Variants in GCKR observed in about 807,000 individuals in gnomAD.
GCKR encodes the protein glucokinase regulatory protein.
A neutral mutation model predicts 82.9 loss-of-function variants in GCKR; 73 were observed. The ratio of observed to expected loss-of-function variants is 0.88; its 90% confidence interval spans 0.73 to 1.07. The LOEUF is 1.07. Among genes scored for constraint, GCKR ranks in the 50% least tolerant of loss-of-function variants. The probability of loss-of-function intolerance (pLI) is 0.00; values close to 1 mark genes in which losing one functional copy is unlikely to be tolerated. For synonymous variants in GCKR, 294 were observed against 291.8 expected (o/e 1.01, Z -0.08); for missense variants, 784 against 782.1 (o/e 1.00, Z -0.03).
chr2:27,511,327 C>T (rs1669876941), intron 16 of GCKR, among the ~76,000 whole-genome samples: 1 of 152,022 alleles, frequency 6.6e-6, no homozygotes, highest in African/African-American at 2.4e-5. Flanking sequence ...TGCACTCAGC[C>T]TGGTTTTATC....
intron 10 of GCKR, 121 bp from the exon 11 acceptor site, chr2:27,506,360 C>A: frequency 2.6e-6 from 2 of 758,488 alleles, no homozygotes; most frequent in South Asian, 1.4e-5. Context: ...CTGCACCTCT[C>A]CAGGGACCAG....
Position 27,506,526 on chromosome 2 carries a change from G to A in GCKR, c.915G>A (p.Val305=). The change falls in exon 11 of 19, where the codon GTG becomes GTA. Residue 305 remains valine (V), a synonymous_variant. Transcript: ENST00000264717. ...ILRTFERAHQ[V]TYSQSPKIAT... is the part of the protein sequence containing the mutation. ...GGACATTTGAGCGAGCTCATCAGGT[G>A]ACCTACAGCCAAAGCCCCAAGATTG... 1 of 1,614,040 alleles carries A rather than the reference G, an allele frequency of 6.2e-7. No homozygotes were observed. The highest frequency in any genetic ancestry group is 8.5e-7 in the Non-Finnish European group (1 of 1,179,918).
intron 7 of GCKR, 103 bp from the exon 8 acceptor site, chr2:27,501,032 G>A: frequency 1.2e-6 from 1 of 866,242 alleles, no homozygotes; most frequent in Non-Finnish European, 2.0e-6. Flanking sequence ...CTGGGAATCT[G>A]CATTTTGAAC....
intron 5 of GCKR, 43 bp downstream of exon 5, chr2:27,498,840 G>C: frequency 9.0e-7 from 1 of 1,116,080 alleles, no homozygotes; most frequent in South Asian, 1.2e-5. Context: ...GACCTAAATA[G>C]TATTTCTTAG....
At chr2:27,502,577 AC>A (rs1452328141) in intron 8 of GCKR, among the ~76,000 whole-genome samples, 1 of 152,208 alleles carries the variant, frequency 6.6e-6, no homozygotes, top group East Asian at 1.9e-4. Flanking sequence ...GTTAAACCAT[AC>A]GATATGAACC....
intron 13 of GCKR, 117 bp from the exon 14 acceptor site, chr2:27,507,564 C>A: frequency 1.4e-6 from 1 of 739,884 alleles, no homozygotes; most frequent in Non-Finnish European, 2.5e-6. Flanking sequence ...TTTTGAACTT[C>A]AGCTCTTTCA....
intron 16 of GCKR, among the ~76,000 whole-genome samples, chr2:27,510,688 T>C (rs1050033407): frequency 6.6e-6 from 1 of 152,208 alleles, no homozygotes; most frequent in Non-Finnish European, 1.5e-5. Flanking sequence ...TTAGTGTTAT[T>C]TTAATTTATA....
intron 16 of GCKR, among the ~76,000 whole-genome samples, chr2:27,515,684 T>A (rs1669984286): frequency 6.6e-6 from 1 of 151,402 alleles, no homozygotes; most frequent in Non-Finnish European, 1.5e-5. Context: ...AGTTTATTCT[T>A]GTGTATGGGG....
chr2:27,496,876 G>C lies in GCKR; in HGVS notation c.-29G>C. ...GGGGTTTGTGTGGCTGAAGAGGCAG[G>C]AGGAACAGTGTATCCACAGCGTGGG... On this transcript the variant is annotated 5_prime_UTR_variant, in exon 1 of 19. Transcript: ENST00000264717. 2 of 1,597,240 alleles carry C rather than the reference G, an allele frequency of 1.3e-6. No homozygotes were observed. Among genetic ancestry groups the C allele is most frequent in the Non-Finnish European group, 8.6e-7 (1 of 1,164,722 alleles).
chr2:27,522,335 AC>A (rs1363222678), intron 17 of GCKR, 124 bp from the exon 18 acceptor site: 57 of 920,406 alleles, frequency 6.2e-5, no homozygotes, highest in African/African-American at 1.6e-5. Flanking sequence ...CAAATCATCT[AC>A]AGCCTCTATA....
chr2:27,507,973 C>T lies in GCKR; in HGVS notation c.1241-4C>T. On this transcript the variant is annotated splice_polypyrimidine_tract_variant and splice_region_variant and intron_variant, in intron 14 of 18. Coordinates refer to ENST00000264717, the MANE Select transcript of GCKR (RefSeq NM_001486.4). Reference sequence around the variant, plus strand: ...TCGACTCTGATGCCCTCCCCTTCTCCTAGACAACCTCACGGAGGTGCAGAC... The same window carrying T: ...TCGACTCTGATGCCCTCCCCTTCTCTTAGACAACCTCACGGAGGTGCAGAC... 2 of 1,604,984 alleles carry T rather than the reference C, an allele frequency of 1.2e-6. No individual in the cohort carries two copies. Among genetic ancestry groups the T allele is most frequent in the Non-Finnish European group, 1.7e-6 (2 of 1,171,752 alleles).
intron 9 of GCKR, among the ~76,000 whole-genome samples, chr2:27,504,397 A>G (rs1360172644): frequency 6.9e-6 from 1 of 145,670 alleles, no homozygotes; most frequent in African/African-American, 2.6e-5. Flanking sequence ...TGCTCTTGTC[A>G]CCCAGGCTGG....
intron 1 of GCKR, 40 bp downstream of exon 1, chr2:27,497,004 C>T (rs761286562): frequency 1.2e-5 from 19 of 1,522,792 alleles, no homozygotes; most frequent in South Asian, 1.0e-4. Context: ...GTGCTGATTC[C>T]TAGAATTATT....
chr2:27,502,996 G>A (rs1669623246), intron 8 of GCKR, among the ~76,000 whole-genome samples: 1 of 152,208 alleles, frequency 6.6e-6, no homozygotes, highest in Non-Finnish European at 1.5e-5. Context: ...ATTTACTCAA[G>A]GAATGTTCAA....
At chr2:27,509,535 T>A (rs1458089323) in intron 16 of GCKR, 1 of 446,564 alleles carries the variant, frequency 2.2e-6, no homozygotes, top group African/African-American at 2.0e-5. Context: ...AGAGATCGGG[T>A]TTCTCCACAT....
Position 27,497,288 on chromosome 2 carries a change from C to T in GCKR, c.105C>T (p.Asn35=). The part of the protein sequence containing the change: ...EAAVPITEKS[N]PLTQDLDKAD... Reference sequence around the variant, plus strand: ...CTGTGCCAATCACGGAGAAGTCAAACCCACTGACCCAGGATCTAGACAAAG... The same window carrying T: ...CTGTGCCAATCACGGAGAAGTCAAATCCACTGACCCAGGATCTAGACAAAG... The change falls in exon 2 of 19, where the codon AAC becomes AAT. Residue 35 remains asparagine, a synonymous_variant. Transcript: ENST00000264717. 2 of 1,614,150 alleles carry T rather than the reference C, an allele frequency of 1.2e-6. No individual in the cohort carries two copies. The highest frequency in any genetic ancestry group is 1.7e-6 in the Non-Finnish European group (2 of 1,180,002).
chr2:27,498,736 C>G lies in GCKR; in HGVS notation c.367C>G (p.Gln123Glu), dbSNP rs761658936. The change falls in exon 5 of 19, where the codon CAG (glutamine) becomes GAG (glutamate). Residue 123 changes from glutamine (Q) to glutamate (E), a missense_variant. Physicochemically the swap from Gln to Glu is conservative, Grantham distance 29 (BLOSUM62 2). Transcript: ENST00000264717. The stretch of plus-strand genomic sequence containing the variant: ...CCCTGCTTGACAGGTGTCCTTTAAT[C>G]AGCTGATGAAAGGTCTGGGACAGAA... ...MAFLMSVSFN[Q>E]LMKGLGQKPL... 1.9e-6 allele frequency: 3 copies of G among 1,601,330 alleles called. No homozygotes were observed. In the Admixed American group the frequency reaches 5.0e-5, roughly 27 times the overall value.
rs369111431 is a variant in GCKR at position 27,513,888 on chromosome 2, A to C, written c.1423-4900A>C. On this transcript the variant is annotated intron_variant, in intron 16 of 18. Coordinates refer to ENST00000264717, the MANE Select transcript of GCKR (RefSeq NM_001486.4). ...AGTGCAGTTTATAGATCTCTTCCTC[A>C]TTATTACTTATTATTTGCATTTGTG... Among the ~76,000 whole-genome samples, 3 of 146,960 alleles carry C rather than the reference A, an allele frequency of 2.0e-5. No homozygotes were observed. In the East Asian group the frequency reaches 6.0e-4, roughly 29 times the overall value.
At chr2:27,516,635 G>A (rs1262242966) in intron 16 of GCKR, among the ~76,000 whole-genome samples, 1 of 152,068 alleles carries the variant, frequency 6.6e-6, no homozygotes, top group Non-Finnish European at 1.5e-5. Flanking sequence ...TATCCAGGCC[G>A]ATTTTTCCAT....
Sources: allele counts gnomAD v4.1 joint callset (sites outside exome capture counted in the v4.1 genomes callset), GRCh38; gene constraint gnomAD v4.1.1; transcripts MANE v1.5; gene names NCBI Gene and HGNC (gene_info 2026-07-23, HGNC 2026-07-21).